The following SLC4A4 variants were observed in gnomAD, a reference collection of about 807,000 sequenced individuals.
SLC4A4 encodes electrogenic sodium bicarbonate cotransporter 1.
SLC4A4 carries 27 observed loss-of-function variants against 111.5 expected under a neutral mutation model. The observed-to-expected ratio is 0.24, with a 90% CI of 0.18 to 0.33. The LOEUF is 0.33. SLC4A4 is among the 10% of genes least tolerant of loss of function. The pLI is 1.00. For synonymous variants in SLC4A4, 443 were observed against 463.4 expected (o/e 0.96, Z 0.57); for missense variants, 909 against 1,315.5 (o/e 0.69, Z 4.78).
At chr4:71,379,159 C>T (rs1450534549) in intron 6 of SLC4A4, among the ~76,000 whole-genome samples, 1 of 152,176 alleles carries the variant, frequency 6.6e-6, no homozygotes, top group Non-Finnish European at 1.5e-5. Flanking sequence ...CCACACATCA[C>T]TCCCTCTGCT....
intron 14 of SLC4A4, among the ~76,000 whole-genome samples, chr4:71,484,234 A>G (rs992145457): frequency 1.3e-5 from 2 of 151,884 alleles, no homozygotes; most frequent in Non-Finnish European, 2.9e-5. Flanking sequence ...CATCTTTGTC[A>G]TGAAATCTTT....
At chr4:71,147,761 GC>G (rs1744217523) in intron 2 of SLC4A4, among the ~76,000 whole-genome samples, 1 of 152,096 alleles carries the variant, frequency 6.6e-6, no homozygotes, top group African/African-American at 2.4e-5. Context: ...AGGGGGCATT[GC>G]CACCACCCAT....
At chr4:71,150,947 A>G (rs2148971846) in intron 2 of SLC4A4, among the ~76,000 whole-genome samples, 1 of 152,338 alleles carries the variant, frequency 6.6e-6, no homozygotes, top group African/African-American at 2.4e-5. Context: ...TTGAAAGACC[A>G]TGCCTCAAAT....
At chr4:71,314,978 T>A (rs1726561877) in intron 3 of SLC4A4, among the ~76,000 whole-genome samples, 1 of 152,150 alleles carries the variant, frequency 6.6e-6, no homozygotes, top group African/African-American at 2.4e-5. Context: ...CCTGATAGAA[T>A]TACAGACTGC....
At position 71,210,105 on chromosome 4, in the gene SLC4A4, TA is replaced by T. The variant is rs528777355; in HGVS notation, c.-2+22705del. On this transcript the variant is annotated intron_variant, in intron 1 of 25. Transcript: ENST00000264485. ...ACATATTTCTGGTGCTTTTTGTAAC[TA>T]CCAGTGTGGACACCAATGGGGTGCC... Among the ~76,000 whole-genome samples the T allele has an allele frequency of 2.3e-4, 35 of 152,340 alleles. 1 individual carries two copies. The highest frequency in any genetic ancestry group is 7.8e-4 in the Admixed American group (12 of 15,310).
intron 8 of SLC4A4, among the ~76,000 whole-genome samples, chr4:71,447,375 A>T (rs532502911): frequency 1.3e-5 from 2 of 152,228 alleles, no homozygotes; most frequent in Non-Finnish European, 2.9e-5. Context: ...CATATTAAGC[A>T]CTTGAAGTGC....
intron 16 of SLC4A4, among the ~76,000 whole-genome samples, chr4:71,528,759 T>C (rs546645435): frequency 1.3e-4 from 20 of 151,792 alleles, no homozygotes; most frequent in Non-Finnish European, 2.8e-4. Context: ...TACTATGGAG[T>C]CAACAACGTA....
chr4:71,408,837 C>A (rs1428660446), intron 7 of SLC4A4, among the ~76,000 whole-genome samples: 1 of 152,118 alleles, frequency 6.6e-6, no homozygotes, highest in Non-Finnish European at 1.5e-5. Flanking sequence ...TTGGCTGTGT[C>A]CCCACCCAAA....
rs777092928 is a variant in SLC4A4 at position 71,168,177 on chromosome 4, CTTTTTT to C, written c.-1-68382_-1-68377del. On this transcript the variant is annotated intron_variant, in intron 2 of 26. Transcript: ENST00000649996. ...GTGTTACAAACAATTCAATTATACTCTTTTTTTTTTTTTTTTTTTTTTGAGATGGGG... is the reference window on the plus strand; with the variant it reads ...GTGTTACAAACAATTCAATTATACTCTTTTTTTTTTTTTTTTGAGATGGGG... 7.4e-4 allele frequency among the ~76,000 whole-genome samples: 79 copies of C among 106,232 alleles called. 1 individual carries two copies. Among genetic ancestry groups the C allele is most frequent in the African/African-American group, 3.4e-3 (79 of 23,058 alleles). 69.7% of individuals were successfully genotyped at this position (106,232 alleles called of 152,430 possible).
At chr4:71,315,375 A>G (rs969513052) in intron 3 of SLC4A4, among the ~76,000 whole-genome samples, 3 of 152,180 alleles carry the variant, frequency 2.0e-5, no homozygotes, top group African/African-American at 7.2e-5. Flanking sequence ...AAAACAAAAA[A>G]TAGACAAAAG....
At chr4:71,315,809 T>C (rs2148860953) in intron 3 of SLC4A4, among the ~76,000 whole-genome samples, 1 of 152,274 alleles carries the variant, frequency 6.6e-6, no homozygotes, top group Admixed American at 6.5e-5. Flanking sequence ...TACTAAAGTA[T>C]TGGTTTGTAA....
chr4:71,380,154 G>T (rs909440799), intron 6 of SLC4A4, among the ~76,000 whole-genome samples: 2 of 152,188 alleles, frequency 1.3e-5, no homozygotes, highest in Non-Finnish European at 2.9e-5. Flanking sequence ...TGTGGCTGCT[G>T]ATAGTAGTAG....
At position 71,106,091 on chromosome 4, in the gene SLC4A4, C is replaced by A. The variant is rs1276292665; in HGVS notation, c.-2+13299C>A. Among the ~76,000 whole-genome samples the A allele has an allele frequency of 4.0e-5, 6 of 149,222 alleles. No individual in the cohort carries two copies. In the East Asian group the frequency reaches 8.0e-4, roughly 20 times the overall value. On this transcript the variant is annotated intron_variant, in intron 2 of 26. Transcript: ENST00000649996. ...AAATTTACAAGAAAAAAACAAACAA[C>A]CCCATCAAAAAGTGGGCGAAGGACA...
At chr4:71,205,512 A>G (rs542186795) in intron 1 of SLC4A4, among the ~76,000 whole-genome samples, 1 of 152,318 alleles carries the variant, frequency 6.6e-6, no homozygotes, top group Non-Finnish European at 1.5e-5. Context: ...GCTGGGCTTC[A>G]GAGAAACCCC....
At chr4:71,124,414 C>A (rs1397782107) in intron 2 of SLC4A4, among the ~76,000 whole-genome samples, 1 of 151,996 alleles carries the variant, frequency 6.6e-6, no homozygotes. Context: ...ATGTGATCCA[C>A]CCCCCTCGAC....
At chr4:71,306,295 A>G (rs1725678717) in intron 3 of SLC4A4, among the ~76,000 whole-genome samples, 2 of 151,476 alleles carry the variant, frequency 1.3e-5, no homozygotes, top group South Asian at 4.2e-4. Flanking sequence ...ATAAAATGGG[A>G]TAATAGGCTG....
chr4:71,565,026 G>A (rs1560627538), intron 24 of SLC4A4, among the ~76,000 whole-genome samples: 1 of 151,228 alleles, frequency 6.6e-6, no homozygotes, highest in African/African-American at 2.4e-5. Flanking sequence ...TTTTTTCCAG[G>A]AAGAAATGAA....
intron 1 of SLC4A4, among the ~76,000 whole-genome samples, chr4:71,083,457 C>T (rs533300314): frequency 2.0e-5 from 3 of 151,872 alleles, no homozygotes; most frequent in South Asian, 2.1e-4. Context: ...GCCTTATTAC[C>T]TCTGAAAAAT....
chr4:71,239,956 C>G (rs536137717), intron 2 of SLC4A4, among the ~76,000 whole-genome samples: 1 of 152,148 alleles, frequency 6.6e-6, no homozygotes, highest in Non-Finnish European at 1.5e-5. Flanking sequence ...GGCCCTTCCA[C>G]GCTTCCACAG....
Sources: gnomAD v4.1 joint callset for allele counts (sites outside exome capture counted in the v4.1 genomes callset) on GRCh38, gnomAD v4.1.1 for gene constraint, MANE v1.5 for transcripts, NCBI Gene and HGNC (gene_info 2026-07-23, HGNC 2026-07-21) for gene names.